The following CFAP54 variants were observed in gnomAD, a reference collection of about 807,000 sequenced individuals.
The protein encoded by CFAP54 is cilia- and flagella-associated protein 54.
Under a neutral mutation model 370.4 loss-of-function variants are expected in CFAP54, and 290 were observed. That is an observed-to-expected ratio of 0.78 (90% CI 0.71 to 0.86). The LOEUF is 0.86. Among genes scored for constraint, CFAP54 ranks in the 40% least tolerant of loss-of-function variants. CFAP54 has a pLI of 0.00. For missense variants in CFAP54, 3,399 were observed against 3,528.7 expected, an observed-to-expected ratio of 0.96 and a Z score of 0.93; for synonymous variants, 1,206 against 1,236.5, an observed-to-expected ratio of 0.98 and a Z score of 0.52.
intron 17 of CFAP54, 43 bp from the exon 18 acceptor site, chr12:96,564,425 T>A (rs1329551965): frequency 1.5e-6 from 1 of 669,488 alleles, no homozygotes; most frequent in Non-Finnish European, 2.7e-6. Flanking sequence ...TTTCCTCTCT[T>A]GGATACATAC....
intron 1 of CFAP54, among the ~76,000 whole-genome samples, chr12:96,497,721 A>C (rs1954972445): frequency 6.6e-6 from 1 of 152,232 alleles, no homozygotes; most frequent in Non-Finnish European, 1.5e-5. Flanking sequence ...AATTATAGCT[A>C]TGCCTTGATG....
At chr12:96,739,161 C>T (rs1958019926) in intron 50 of CFAP54, among the ~76,000 whole-genome samples, 1 of 151,958 alleles carries the variant, frequency 6.6e-6, no homozygotes, top group African/African-American at 2.4e-5. Context: ...ATATTTCGGC[C>T]TTCATCCAGT....
chr12:96,638,231 GTGTGTGTGTGTA>G (rs1407839339), intron 32 of CFAP54, among the ~76,000 whole-genome samples: 38 of 93,990 alleles, frequency 4.0e-4, no homozygotes, highest in Non-Finnish European at 7.4e-4. Context: ...GTGTGTGTGT[GTGTGTGTGTGTA>G]TATATATATA....
chr12:96,739,949 A>G lies in CFAP54; in HGVS notation c.6966-7A>G, dbSNP rs1462420261. 1 of 1,428,590 alleles carries G rather than the reference A, an allele frequency of 7.0e-7. No individual in the cohort carries two copies. The highest frequency in any genetic ancestry group is 9.7e-7 in the Non-Finnish European group (1 of 1,027,538). The allele number at this position is 1,428,590 out of a possible 1,614,324, so 88.5% of individuals were successfully genotyped here. The stretch of plus-strand genomic sequence containing the variant: ...TGATAACATTTAAAATATATTTTCT[A>G]TTTTAGTGCTGCAATAGTATTTTCT... On this transcript the variant is annotated splice_polypyrimidine_tract_variant and splice_region_variant and intron_variant, in intron 50 of 67. Coordinates refer to ENST00000524981, the MANE Select transcript of CFAP54 (RefSeq NM_001306084.2).
intron 50 of CFAP54, among the ~76,000 whole-genome samples, chr12:96,737,967 G>A (rs1003179224): frequency 7.2e-5 from 11 of 152,098 alleles, no homozygotes. Context: ...ATGGGGGAGG[G>A]CCCTGGAACG....
intron 63 of CFAP54, among the ~76,000 whole-genome samples, chr12:96,797,552 G>A (rs999770460): frequency 3.3e-5 from 5 of 151,976 alleles, no homozygotes; most frequent in African/African-American, 9.7e-5. Context: ...TCATCTTGGT[G>A]AATTGAACAT....
At chr12:96,505,181 A>T (rs1955084826) in intron 3 of CFAP54, among the ~76,000 whole-genome samples, 1 of 150,910 alleles carries the variant, frequency 6.6e-6, no homozygotes. Flanking sequence ...CTCCTGCCTC[A>T]GCCTCCTTAG....
At chr12:96,698,171 C>G (rs1957455419) in intron 45 of CFAP54, among the ~76,000 whole-genome samples, 1 of 152,184 alleles carries the variant, frequency 6.6e-6, no homozygotes, top group Non-Finnish European at 1.5e-5. Context: ...GGAACATAAC[C>G]TCCAAGAGGG....
At position 96,647,472 on chromosome 12, in the gene CFAP54, C is replaced by CAAAA. The variant is rs57089692; in HGVS notation, c.4548-382_4548-379dup. On this transcript the variant is annotated intron_variant, in intron 33 of 67. Coordinates refer to ENST00000524981, the MANE Select transcript of CFAP54 (RefSeq NM_001306084.2). The stretch of plus-strand genomic sequence containing the variant: ...TGGGCGACAGAGCGAGACTCTGTCC[C>CAAAA]AAAAAAAAAAAAAAAAAAAAAAAAG... Among the ~76,000 whole-genome samples, 77 of 40,740 alleles carry CAAAA rather than the reference C, an allele frequency of 1.9e-3. 2 individuals are homozygous for CAAAA. The highest frequency in any genetic ancestry group is 4.1e-3 in the East Asian group (5 of 1,222). The allele number at this position is 40,740 out of a possible 152,430, so 26.7% of individuals were successfully genotyped here. A position where few individuals can be genotyped will look rare whatever the true frequency, so the allele number is the denominator to read the frequency against.
chr12:96,828,880 C>A (rs547925114), intron 65 of CFAP54, 134 bp from the exon 66 acceptor site: 3 of 438,254 alleles, frequency 6.8e-6, no homozygotes, highest in African/African-American at 2.0e-5. Flanking sequence ...ATTTCTGAGC[C>A]CTCTGTCTTA....
intron 66 of CFAP54, among the ~76,000 whole-genome samples, chr12:96,857,403 T>C (rs572187570): frequency 2.0e-5 from 3 of 152,256 alleles, no homozygotes; most frequent in Admixed American, 1.3e-4. Flanking sequence ...GGTTTTCTGT[T>C]CCTGCGTTAG....
intron 58 of CFAP54, among the ~76,000 whole-genome samples, chr12:96,761,659 G>A (rs929664960): frequency 3.3e-5 from 5 of 152,020 alleles, no homozygotes; most frequent in Non-Finnish European, 5.9e-5. Context: ...TAATACTTGG[G>A]TAGAGTGTGA....
intron 64 of CFAP54, among the ~76,000 whole-genome samples, chr12:96,813,108 A>G (rs1328115330): frequency 6.6e-6 from 1 of 152,196 alleles, no homozygotes; most frequent in Non-Finnish European, 1.5e-5. Context: ...CCAGCCCCAT[A>G]TGATGAAAAT....
chr12:96,840,001 C>T (rs1364023742), intron 66 of CFAP54, among the ~76,000 whole-genome samples: 1 of 152,198 alleles, frequency 6.6e-6, no homozygotes, highest in Non-Finnish European at 1.5e-5. Context: ...AATGACTCTT[C>T]CTCAGTAGTG....
At position 96,589,523 on chromosome 12, in the gene CFAP54, G is replaced by T; in HGVS notation, c.3172G>T (p.Val1058Phe). The T allele has an allele frequency of 6.7e-7, 1 of 1,485,346 alleles. No homozygotes were observed. The highest frequency in any genetic ancestry group is 9.1e-7 in the Non-Finnish European group (1 of 1,101,098). 92.0% of individuals were successfully genotyped at this position (1,485,346 alleles called of 1,614,324 possible). ...VASPLQDEQS[V>F]ICLSNIITIT... ...TTCGCCACTTCAGGATGAACAATCTGTTATTTGTTTAAGCAATATAATTAC... is the reference window on the plus strand; with the variant it reads ...TTCGCCACTTCAGGATGAACAATCTTTTATTTGTTTAAGCAATATAATTAC... The change falls in exon 23 of 68, where the codon GTT (valine) becomes TTT (phenylalanine). Residue 1058 changes from valine (V) to phenylalanine (F), a missense_variant. Around this residue, in one of 3 missense-constraint regions of CFAP54, gnomAD observed 2,796 missense variants for 2,869.7 expected, o/e 0.97. Transcript: ENST00000524981.
At chr12:96,580,308 G>A (rs1485836555) in intron 20 of CFAP54, among the ~76,000 whole-genome samples, 1 of 151,940 alleles carries the variant, frequency 6.6e-6, no homozygotes, top group South Asian at 2.1e-4. Context: ...TCATAGAGTT[G>A]TGCATATTAG....
chr12:96,819,255 G>C (rs976602907), intron 65 of CFAP54, among the ~76,000 whole-genome samples: 1 of 152,164 alleles, frequency 6.6e-6, no homozygotes, highest in African/African-American at 2.4e-5. Context: ...CATCCAGGTG[G>C]GTGGCACATT....
intron 64 of CFAP54, among the ~76,000 whole-genome samples, chr12:96,814,116 A>G (rs1437003478): frequency 6.6e-6 from 1 of 152,182 alleles, no homozygotes; most frequent in Non-Finnish European, 1.5e-5. Context: ...AGTTCTGGAC[A>G]CTCATGTACA....
chr12:96,846,338 C>A (rs1313007858), intron 66 of CFAP54, among the ~76,000 whole-genome samples: 1 of 152,146 alleles, frequency 6.6e-6, no homozygotes, highest in Non-Finnish European at 1.5e-5. Flanking sequence ...GCCTCTACAC[C>A]CTGTGCAGGT....
Sources: allele counts gnomAD v4.1 joint callset (sites outside exome capture counted in the v4.1 genomes callset), GRCh38; gene constraint gnomAD v4.1.1; regional missense constraint gnomAD v4.1.1; transcripts MANE v1.5; gene names NCBI Gene and HGNC (gene_info 2026-07-23, HGNC 2026-07-21).